REXO2: variants seen among roughly 807,000 people sequenced by gnomAD.
The protein encoded by REXO2 is RNA exonuclease 2, also known as oligoribonuclease, mitochondrial.
Under a neutral mutation model 30.9 loss-of-function variants are expected in REXO2, and 17 were observed. The ratio of observed to expected loss-of-function variants is 0.55; its 90% CI spans 0.38 to 0.82. The LOEUF (loss-of-function observed/expected upper bound fraction) is 0.82, where lower values mean the gene tolerates loss of function less well. Ranked by LOEUF, REXO2 falls within the 40% of genes least tolerant of loss-of-function variation. The pLI is 0.00. For synonymous variants in REXO2, 105 were observed against 99.6 expected (o/e 1.05, Z -0.32); for missense variants, 253 against 293.2 (o/e 0.86, Z 1.00).
intron 5 of REXO2, among the ~76,000 whole-genome samples, chr11:114,447,489 C>T (rs907954781): frequency 1.3e-5 from 2 of 151,656 alleles, no homozygotes; most frequent in African/African-American, 4.8e-5. Flanking sequence ...GAGGTGTTGA[C>T]AATGGTGGGT....
rs760653189 is a variant in REXO2 at position 114,443,960 on chromosome 11, TG to T, written c.309+28del. 10 of 1,539,784 alleles carry T rather than the reference TG, an allele frequency of 6.5e-6. No homozygotes were observed. In the Middle Eastern group the frequency reaches 8.4e-4, roughly 130 times the overall value. ...TAACATTACCAAATAACAGGATTGC[TG>T]CTTTGGGGATCAGTAGCAAGCTTTT... On this transcript the variant is annotated intron_variant, in intron 3 of 6. Transcript: ENST00000265881.
chr11:114,440,536 T>C, intron 1 of REXO2, 120 bp from the exon 2 acceptor site: 1 of 714,634 alleles, frequency 1.4e-6, no homozygotes, highest in East Asian at 2.6e-5. Context: ...TTCTTTCTCT[T>C]CTGTTTCGGC....
Position 114,439,692 on chromosome 11 carries a change from G to C in REXO2, c.147+17G>C, listed in dbSNP as rs774970927. 46 of 1,477,630 alleles carry C rather than the reference G, an allele frequency of 3.1e-5. No individual in the cohort carries two copies. The highest frequency in any genetic ancestry group is 2.2e-4 in the South Asian group (16 of 73,550). 91.5% of individuals were successfully genotyped at this position (1,477,630 alleles called of 1,614,324 possible). Reference sequence around the variant, plus strand: ...GACCTGGAGGTGAGTGAGGTCGGCGGGGGGCTTGGGGAGGCGAGTGAGGTT... The same window carrying C: ...GACCTGGAGGTGAGTGAGGTCGGCGCGGGGCTTGGGGAGGCGAGTGAGGTT... On this transcript the variant is annotated intron_variant, in intron 1 of 6. Transcript: ENST00000265881.
chr11:114,449,776 T>A, intron 6 of REXO2, 70 bp from the exon 7 acceptor site: 3 of 1,507,312 alleles, frequency 2.0e-6, no homozygotes, highest in Non-Finnish European at 2.7e-6. Flanking sequence ...TTTTTAAAAG[T>A]TGTACTTTTA....
intron 2 of REXO2, chr11:114,442,021 G>A: frequency 2.1e-6 from 1 of 482,282 alleles, no homozygotes; most frequent in Non-Finnish European, 3.7e-6. Flanking sequence ...TTAGACTGTT[G>A]ATATAATGTG....
At chr11:114,439,898 C>T (rs956108880) in intron 1 of REXO2, 25 of 588,224 alleles carry the variant, frequency 4.3e-5, no homozygotes, top group South Asian at 4.2e-4. Context: ...GAGGAGTCCT[C>T]CGTGTGGCTT....
chr11:114,440,162 A>G (rs981793508), intron 1 of REXO2: 4 of 461,972 alleles, frequency 8.7e-6, no homozygotes, highest in African/African-American at 4.0e-5. Context: ...GCTGTTAGTG[A>G]GAGTCTGAGT....
At chr11:114,446,439 C>T (rs1296596689) in intron 5 of REXO2, 4 of 166,412 alleles carry the variant, frequency 2.4e-5, no homozygotes, top group South Asian at 1.9e-4. Context: ...TGTAAAAAAA[C>T]GCACCCTGAA....
chr11:114,443,737 C>G (rs752468956), intron 2 of REXO2, 119 bp from the exon 3 acceptor site: 5 of 690,154 alleles, frequency 7.2e-6, no homozygotes, highest in Non-Finnish European at 1.2e-5. Flanking sequence ...CTTAAAGTAT[C>G]CTTATCTCTT....
chr11:114,440,726 A>G lies in REXO2; in HGVS notation c.218A>G (p.Asn73Ser). ...MACLITDSDLNILAEGPNLII... is the reference protein window; with the variant it reads ...MACLITDSDLSILAEGPNLII... Reference sequence around the variant, plus strand: ...TGTCTGATAACTGACTCTGATCTCAACATTTTGGCTGAAGTACGTGATGCC... The same window carrying G: ...TGTCTGATAACTGACTCTGATCTCAGCATTTTGGCTGAAGTACGTGATGCC... Residue 73 changes from asparagine (N) to serine (S), a missense_variant, in exon 2 of 7, where the codon AAC becomes AGC. Coordinates refer to ENST00000265881, the MANE Select transcript of REXO2 (RefSeq NM_015523.4). 6.2e-7 allele frequency: 1 copy of G among 1,613,438 alleles called. No individual in the cohort carries two copies. The highest frequency in any genetic ancestry group is 8.5e-7 in the Non-Finnish European group (1 of 1,179,438).
rs754958821 is a variant in REXO2, at chr11:114,443,882, A to G, written c.258A>G (p.Pro86=). 7 of 1,609,346 alleles carry G rather than the reference A, an allele frequency of 4.3e-6. No individual in the cohort carries two copies. In the South Asian group the frequency reaches 7.8e-5, roughly 18 times the overall value. Reference sequence around the variant, plus strand: ...GTCCTAACCTGATTATAAAACAACCAGATGAGTTGCTGGACAGCATGTCAG... The same window carrying G: ...GTCCTAACCTGATTATAAAACAACCGGATGAGTTGCTGGACAGCATGTCAG... ...AEGPNLIIKQ[P]DELLDSMSDW... is the part of the protein sequence containing the mutation. Residue 86 remains proline (P), a synonymous_variant, in exon 3 of 7, where the codon CCA becomes CCG. Coordinates refer to ENST00000265881, the MANE Select transcript of REXO2 (RefSeq NM_015523.4).
chr11:114,439,498 A>C lies in REXO2; in HGVS notation c.-31A>C, dbSNP rs763051646. The C allele has an allele frequency of 1.0e-5, 16 of 1,598,792 alleles. No homozygotes were observed. The highest frequency in any genetic ancestry group is 7.7e-5 in the South Asian group (7 of 90,668). On this transcript the variant is annotated 5_prime_UTR_variant, in exon 1 of 7. Coordinates refer to ENST00000265881, the MANE Select transcript of REXO2 (RefSeq NM_015523.4). ...TGCGCCTGCGCCAGCGCCGGCTGCG[A>C]GACTGGGGCCGTGGCTGCTGGTCCC...
intron 4 of REXO2, 165 bp from the exon 5 acceptor site, chr11:114,445,814 A>G: frequency 1.7e-6 from 1 of 573,668 alleles, no homozygotes; most frequent in Non-Finnish European, 3.1e-6. Context: ...TGTACTTGTA[A>G]GCTAATCACA....
intron 2 of REXO2, among the ~76,000 whole-genome samples, chr11:114,443,192 G>A (rs1054526629): frequency 4.0e-5 from 6 of 151,420 alleles, no homozygotes; most frequent in African/African-American, 1.5e-4. Flanking sequence ...CTGTAACCTC[G>A]AACTCCTGGG....
chr11:114,445,968 T>C lies in REXO2; in HGVS notation c.422-11T>C. On this transcript the variant is annotated splice_polypyrimidine_tract_variant and intron_variant, in intron 4 of 6. Coordinates refer to ENST00000265881, the MANE Select transcript of REXO2 (RefSeq NM_015523.4). The stretch of plus-strand genomic sequence containing the variant: ...AAATATAGAGATGCAGTATGCTTCG[T>C]GTCTTTCTAGGAAATTCAGTTCATG... The C allele has an allele frequency of 7.0e-7, 1 of 1,436,342 alleles. No homozygotes were observed. The highest frequency in any genetic ancestry group is 9.8e-7 in the Non-Finnish European group (1 of 1,018,530). The allele number at this position is 1,436,342 out of a possible 1,614,324, so 89.0% of individuals were successfully genotyped here. A position where few individuals can be genotyped will look rare whatever the true frequency, so the allele number is the denominator to read the frequency against.
rs1946519036 is a variant in REXO2 at position 114,447,873 on chromosome 11, C to A, written c.578C>A (p.Ser193Tyr). The A allele has an allele frequency of 1.2e-6, 2 of 1,613,508 alleles. No homozygotes were observed. Among genetic ancestry groups the A allele is most frequent in the African/African-American group, 2.7e-5 (2 of 74,862 alleles). ...GAATTTGCACCAAAGAAGGCTGCTT[C>A]TCATAGGTAAGTTTGAGTTCTACCA... ...EYEFAPKKAASHRALDDISES... is the reference protein window; with the variant it reads ...EYEFAPKKAAYHRALDDISES... Residue 193 changes from serine to tyrosine, a missense_variant, in exon 6 of 7, where the codon TCT becomes TAT. Coordinates refer to ENST00000265881, the MANE Select transcript of REXO2 (RefSeq NM_015523.4).
At chr11:114,446,829 C>T (rs1206962798) in intron 5 of REXO2, among the ~76,000 whole-genome samples, 1 of 151,050 alleles carries the variant, frequency 6.6e-6, no homozygotes, top group African/African-American at 2.4e-5. Flanking sequence ...TATGATCTTG[C>T]AAGGAATGGG....
At chr11:114,444,283 A>T in intron 3 of REXO2, 1 of 626,870 alleles carries the variant, frequency 1.6e-6, no homozygotes, top group Admixed American at 2.1e-5. Context: ...CCAGAGGTTA[A>T]TATCCTTGGA....
At chr11:114,444,343 T>C (rs1946499074) in intron 3 of REXO2, 198 bp from the exon 4 acceptor site, 10 of 636,972 alleles carry the variant, frequency 1.6e-5, no homozygotes, top group South Asian at 1.5e-4. Context: ...ACAGTCAGGA[T>C]CATAACTAAG....
Sources: allele counts gnomAD v4.1 joint callset (sites outside exome capture counted in the v4.1 genomes callset), GRCh38; gene constraint gnomAD v4.1.1; transcripts MANE v1.5; gene names NCBI Gene and HGNC (gene_info 2026-07-23, HGNC 2026-07-21).